Variants in GRIN2C observed in about 807,000 individuals in gnomAD.
The protein encoded by GRIN2C is glutamate receptor ionotropic, NMDA 2C.
GRIN2C carries 64 observed loss-of-function variants against 77.7 expected under a neutral mutation model. The ratio of observed to expected loss-of-function variants is 0.82; its 90% confidence interval spans 0.67 to 1.01. The LOEUF is 1.01. Among genes scored for constraint, GRIN2C ranks in the 50% least tolerant of loss-of-function variants. The pLI is 0.00. For synonymous variants in GRIN2C, 792 were observed against 643.4 expected (o/e 1.23, Z -3.49); for missense variants, 1,549 against 1,486.0 (o/e 1.04, Z -0.70).
chr17:74,847,049 G>T lies in GRIN2C; in HGVS notation c.2002-129C>A, dbSNP rs2037479774. The T allele has an allele frequency of 2.0e-6, 2 of 976,682 alleles. No homozygotes were observed. Among genetic ancestry groups the T allele is most frequent in the African/African-American group, 3.3e-5 (2 of 61,360 alleles). The allele number at this position is 976,682 out of a possible 1,614,324, so 60.5% of individuals were successfully genotyped here. A position where few individuals can be genotyped will look rare whatever the true frequency, so the allele number is the denominator to read the frequency against. ...GTCAGAGCAGAAGGTCTTAAAGGCT[G>T]TCCAGGCCACTCCTGTGTTTTCCAA... On this transcript the variant is annotated intron_variant, in intron 9 of 12. Coordinates refer to ENST00000293190, the MANE Select transcript of GRIN2C (RefSeq NM_000835.6). This position sits in a 1 kb window ranked among gnomAD's most constrained non-coding sequence, Gnocchi z 5.2.
chr17:74,847,867 G>C lies in GRIN2C; in HGVS notation c.1756C>G (p.Leu586Val). The change falls in exon 8 of 13, where the codon CTC (leucine) becomes GTC (valine). Residue 586 changes from leucine to valine, a missense_variant. Leu to Val is a conservative substitution (Grantham distance 32, BLOSUM62 1). Around this residue, in one of 3 missense-constraint regions of GRIN2C, gnomAD observed 717 missense variants for 858.1 expected, o/e 0.84. Coordinates refer to ENST00000293190, the MANE Select transcript of GRIN2C (RefSeq NM_000835.6). The surrounding 1 kb of genome is among the most constrained non-coding windows in gnomAD (Gnocchi z 5.2). The stretch of plus-strand genomic sequence containing the variant: ...CAAGGCTTACTCTTGCCTCTGGTGA[G>C]GTTCTGGTTGTAGCTGACAGGGCTG... Reference protein sequence around the residue: ...YFSPVSYNQNLTRGKKSGGPA... With the variant: ...YFSPVSYNQNVTRGKKSGGPA... 6.2e-7 allele frequency: 1 copy of C among 1,614,074 alleles called. No individual in the cohort carries two copies.
In GRIN2C at chr17:74,843,484, T is replaced by G. The variant is rs768347440; in HGVS notation, c.2653A>C (p.Thr885Pro). Residue 885 changes from threonine (T) to proline (P), a missense_variant, in exon 13 of 13, where the codon ACG becomes CCG. Transcript: ENST00000293190. ...ACGCTGGCCTGGGCCGAGCTGGCCGTGAGGTCCGGGCTGGCCTGCCGCGGT... is the reference window on the plus strand; with the variant it reads ...ACGCTGGCCTGGGCCGAGCTGGCCGGGAGGTCCGGGCTGGCCTGCCGCGGT... ...SPPRQASPDL[T>P]ASSAQASVLK... 4 of 1,533,906 alleles carry G rather than the reference T, an allele frequency of 2.6e-6. No homozygotes were observed. Among genetic ancestry groups the G allele is most frequent in the South Asian group, 1.2e-5 (1 of 83,924 alleles).
Position 74,842,224 on chromosome 17 carries a change from C to A in GRIN2C, c.*211G>T. 1 of 535,316 alleles carries A rather than the reference C, an allele frequency of 1.9e-6. No individual in the cohort carries two copies. The allele number at this position is 535,316 out of a possible 1,614,324, so 33.2% of individuals were successfully genotyped here. A position where few individuals can be genotyped will look rare whatever the true frequency, so the allele number is the denominator to read the frequency against. The stretch of plus-strand genomic sequence containing the variant: ...CACAGCACACCCTCCTGGCAGAACT[C>A]TGCGTGAGAAGAGGACAGCAAAAGC... On this transcript the variant is annotated 3_prime_UTR_variant, in exon 13 of 13. Transcript: ENST00000293190.
chr17:74,860,386 G>A, upstream of GRIN2C: 1 of 456,506 alleles, frequency 2.2e-6, no homozygotes, highest in Non-Finnish European at 4.4e-6. Flanking sequence ...GACCAGGGCT[G>A]GGAAACCGAG....
At chr17:74,860,702 C>T (rs1019167794), upstream of GRIN2C, 2 of 351,326 alleles carry the variant, frequency 5.7e-6, no homozygotes, top group East Asian at 7.7e-5. Flanking sequence ...TCTGGAAGCC[C>T]GGGAGCCGGG....
Position 74,842,462 on chromosome 17 carries a change from C to G in GRIN2C, c.3675G>C (p.Arg1225=), listed in dbSNP as rs1382071325. 1 of 775,686 alleles carries G rather than the reference C, an allele frequency of 1.3e-6. No homozygotes were observed. Among genetic ancestry groups the G allele is most frequent in the Non-Finnish European group, 2.4e-6 (1 of 416,596 alleles). The allele number at this position is 775,686 out of a possible 1,614,324, so 48.1% of individuals were successfully genotyped here. ...QGFPGPCTWR[R]ISSLESEV ...ACACTTCTGACTCCAGACTGGAGATCCGTCTCCAGGTGCAGGGTCCCGGGA... is the reference window on the plus strand; with the variant it reads ...ACACTTCTGACTCCAGACTGGAGATGCGTCTCCAGGTGCAGGGTCCCGGGA... The change falls in exon 13 of 13, where the codon CGG becomes CGC. Residue 1225 remains arginine (R), a synonymous_variant. Transcript: ENST00000293190.
chr17:74,854,893 A>G lies in GRIN2C; in HGVS notation c.200T>C (p.Val67Ala). ...DLPLEIQPLT[V>A]GVNTTNPSSL... is the part of the protein sequence containing the mutation. Reference sequence around the variant, plus strand: ...GCTGGGGTTGGTGGTGTTGACCCCAACTGTGAGCGGCTGGATCTCCAGGGG... The same window carrying G: ...GCTGGGGTTGGTGGTGTTGACCCCAGCTGTGAGCGGCTGGATCTCCAGGGG... Residue 67 changes from valine (V) to alanine (A), a missense_variant, in exon 2 of 13, where the codon GTT becomes GCT. Physicochemically the swap from Val to Ala is moderately conservative, Grantham distance 64. Coordinates refer to ENST00000293190, the MANE Select transcript of GRIN2C (RefSeq NM_000835.6). 1.9e-6 allele frequency: 3 copies of G among 1,613,400 alleles called. No homozygotes were observed. The highest frequency in any genetic ancestry group is 2.5e-6 in the Non-Finnish European group (3 of 1,179,590).
Position 74,851,879 on chromosome 17 carries a change from C to T in GRIN2C, c.998+134G>A, listed in dbSNP as rs148188891. The T allele has an allele frequency of 1.7e-3, 1,240 of 731,792 alleles. 9 individuals carry two copies. The African/African-American group carries it at 0.019, about 11-fold the overall frequency. The allele number at this position is 731,792 out of a possible 1,614,324, so 45.3% of individuals were successfully genotyped here. A position where few individuals can be genotyped will look rare whatever the true frequency, so the allele number is the denominator to read the frequency against. The stretch of plus-strand genomic sequence containing the variant: ...TTGTTCAGATGAGGACACTAAGGCC[C>T]AGACAGGTGGGGTAATGTGGCCCCA... On this transcript the variant is annotated intron_variant, in intron 3 of 12. Coordinates refer to ENST00000293190, the MANE Select transcript of GRIN2C (RefSeq NM_000835.6).
chr17:74,844,611 G>A, intron 11 of GRIN2C, 103 bp from the exon 12 acceptor site: 2 of 1,489,744 alleles, frequency 1.3e-6, no homozygotes, highest in Non-Finnish European at 1.8e-6. Flanking sequence ...TCTGGGGCAG[G>A]GTGCCACCCA....
At chr17:74,857,507 C>T (rs1010955113) in intron 1 of GRIN2C, among the ~76,000 whole-genome samples, 2 of 152,140 alleles carry the variant, frequency 1.3e-5, no homozygotes, top group Non-Finnish European at 2.9e-5. Context: ...GGCAAGGGAT[C>T]GATCCTAGCC....
chr17:74,847,881 C>T lies in GRIN2C; in HGVS notation c.1742G>A (p.Ser581Asn), dbSNP rs758325247. 9 of 1,613,946 alleles carry T rather than the reference C, an allele frequency of 5.6e-6. No homozygotes were observed. The highest frequency in any genetic ancestry group is 2.7e-5 in the African/African-American group (2 of 74,898). The change falls in exon 8 of 13, where the codon AGC becomes AAC. Residue 581 changes from serine (S) to asparagine (N), a missense_variant. By Grantham distance (46) the Ser-to-Asn change is conservative. Around this residue, in one of 3 missense-constraint regions of GRIN2C, gnomAD observed 717 missense variants for 858.1 expected, o/e 0.84. Coordinates refer to ENST00000293190, the MANE Select transcript of GRIN2C (RefSeq NM_000835.6). The surrounding 1 kb of genome is among the most constrained non-coding windows in gnomAD (Gnocchi z 5.2). ...VFMFEYFSPVSYNQNLTRGKK... is the reference protein window; with the variant it reads ...VFMFEYFSPVNYNQNLTRGKK... Reference sequence around the variant, plus strand: ...GCCTCTGGTGAGGTTCTGGTTGTAGCTGACAGGGCTGAAGTACTCGAACAT... The same window carrying T: ...GCCTCTGGTGAGGTTCTGGTTGTAGTTGACAGGGCTGAAGTACTCGAACAT...
Position 74,843,579 on chromosome 17 carries a change from G to A in GRIN2C, c.2584-26C>T, listed in dbSNP as rs763008678. Reference sequence around the variant, plus strand: ...CTGGGCAGTAGGGAGACGACAGGCCGTAAGCAGCGCCCTCCGCTCAGGGAC... The same window carrying A: ...CTGGGCAGTAGGGAGACGACAGGCCATAAGCAGCGCCCTCCGCTCAGGGAC... On this transcript the variant is annotated intron_variant, in intron 12 of 12. Coordinates refer to ENST00000293190, the MANE Select transcript of GRIN2C (RefSeq NM_000835.6). 1.6e-5 allele frequency: 24 copies of A among 1,529,310 alleles called. No individual in the cohort carries two copies. The East Asian group carries it at 2.2e-4, about 14-fold the overall frequency. 94.7% of individuals were successfully genotyped at this position (1,529,310 alleles called of 1,614,324 possible).
In GRIN2C at chr17:74,843,503, CCGCGGTGGGCTGG is replaced by C. The variant is rs1284860720; in HGVS notation, c.2621_2633del (p.Ala874GlyfsTer27). ...TGGCCGTGAGGTCCGGGCTGGCCTG[CCGCGGTGGGCTGG>C]CGAGGCTCTGCACCCCGCTGAAGCA... On this transcript the variant is annotated frameshift_variant, in exon 13 of 13. Coordinates refer to ENST00000293190, the MANE Select transcript of GRIN2C (RefSeq NM_000835.6). LOFTEE classifies it low-confidence loss of function (END_TRUNC). 2.6e-6 allele frequency: 4 copies of C among 1,533,548 alleles called. No homozygotes were observed. Among genetic ancestry groups the C allele is most frequent in the Non-Finnish European group, 3.5e-6 (4 of 1,146,464 alleles). The allele number at this position is 1,533,548 out of a possible 1,614,324, so 95.0% of individuals were successfully genotyped here.
chr17:74,854,798 C>T lies in GRIN2C; in HGVS notation c.295G>A (p.Val99Met), dbSNP rs1221203831. The change falls in exon 2 of 13, where the codon GTG becomes ATG. Residue 99 changes from valine to methionine, a missense_variant. Val to Met is a conservative substitution (Grantham distance 21). This residue lies in a region of GRIN2C where 382 missense variants were observed against 360.0 expected (regional missense o/e 1.06). Transcript: ENST00000293190. ...ATCTGGGCCACCGCCTCGGTGTCCA[C>T]GTTGTCCTCAAAGACAATGCCGTGG... Reference protein sequence around the residue: ...HVHGIVFEDNVDTEAVAQILD... With the variant: ...HVHGIVFEDNMDTEAVAQILD... The T allele has an allele frequency of 1.9e-6, 3 of 1,613,694 alleles. No individual in the cohort carries two copies. Among genetic ancestry groups the T allele is most frequent in the South Asian group, 1.1e-5 (1 of 91,080 alleles).
upstream of GRIN2C, among the ~76,000 whole-genome samples, chr17:74,861,076 TCCCCTG>T (rs2037940903): frequency 6.6e-6 from 1 of 152,046 alleles, no homozygotes; most frequent in African/African-American, 2.4e-5. Flanking sequence ...CAGCCCAGAC[TCCCCTG>T]GTCCCGCGGT....
rs71380845 is a variant in GRIN2C at position 74,849,582 on chromosome 17, C to A, written c.1645+198G>T. On this transcript the variant is annotated intron_variant, in intron 7 of 12. Transcript: ENST00000293190. This position sits in a 1 kb window ranked among gnomAD's most constrained non-coding sequence, Gnocchi z 4.6. Reference sequence around the variant, plus strand: ...CACCCCCAACCCCACCCTCACCTGGCAGCCATACCTAGAACCGAACACTGA... The same window carrying A: ...CACCCCCAACCCCACCCTCACCTGGAAGCCATACCTAGAACCGAACACTGA... Among the ~76,000 whole-genome samples, 1 of 152,162 alleles carries A rather than the reference C, an allele frequency of 6.6e-6. No individual in the cohort carries two copies. Among genetic ancestry groups the A allele is most frequent in the South Asian group, 2.1e-4 (1 of 4,828 alleles).
Position 74,844,297 on chromosome 17 carries a change from G to A in GRIN2C, c.2562C>T (p.Asp854=). ...CCACCCTGCTGAAAGCCAGCAGGAA[G>A]TCCAGCTGGGATGAGTTGGGCACCG... The part of the protein sequence containing the change: ...RHSVPNSSQL[D]FLLAFSRGIY... Residue 854 remains aspartate, a synonymous_variant, in exon 12 of 13, where the codon GAC becomes GAT. Coordinates refer to ENST00000293190, the MANE Select transcript of GRIN2C (RefSeq NM_000835.6). The A allele has an allele frequency of 6.2e-7, 1 of 1,614,036 alleles. No individual in the cohort carries two copies. Among genetic ancestry groups the A allele is most frequent in the Non-Finnish European group, 8.5e-7 (1 of 1,179,930 alleles).
intron 1 of GRIN2C, 120 bp from the exon 2 acceptor site, chr17:74,855,227 T>C: frequency 2.7e-6 from 2 of 734,776 alleles, no homozygotes; most frequent in South Asian, 4.8e-5. Flanking sequence ...GGGGAAAACC[T>C]CCCTCCCCGA....
In GRIN2C at chr17:74,849,349, C is replaced by A. The variant is rs1049333768; in HGVS notation, c.1645+431G>T. Reference sequence around the variant, plus strand: ...TGGGAAGGCAAAGACTACGCTGTAGCCCCAGCACCCAGCATGGGACCTGGC... The same window carrying A: ...TGGGAAGGCAAAGACTACGCTGTAGACCCAGCACCCAGCATGGGACCTGGC... On this transcript the variant is annotated intron_variant, in intron 7 of 12. Transcript: ENST00000293190. This position sits in a 1 kb window ranked among gnomAD's most constrained non-coding sequence, Gnocchi z 4.6. Among the ~76,000 whole-genome samples, 1 of 152,184 alleles carries A rather than the reference C, an allele frequency of 6.6e-6. No homozygotes were observed. The highest frequency in any genetic ancestry group is 1.5e-5 in the Non-Finnish European group (1 of 68,030).
Sources: allele counts gnomAD v4.1 joint callset (sites outside exome capture counted in the v4.1 genomes callset), GRCh38; gene constraint gnomAD v4.1.1; regional missense constraint gnomAD v4.1.1; non-coding constraint Gnocchi (gnomAD v3.1); transcripts MANE v1.5; gene names NCBI Gene and HGNC (gene_info 2026-07-23, HGNC 2026-07-21).